SYT9: variants seen among roughly 807,000 people sequenced by gnomAD.
The protein encoded by SYT9 is synaptotagmin-9.
In SYT9, 22 loss-of-function variants were observed where a neutral mutation model predicts 48.4. The ratio of observed to expected loss-of-function variants is 0.45; its 90% CI spans 0.32 to 0.65. The LOEUF (loss-of-function observed/expected upper bound fraction) is 0.65. Ranked by LOEUF, SYT9 falls within the 30% of genes least tolerant of loss-of-function variation. SYT9 has a pLI of 0.03. For missense variants in SYT9, 577 were observed against 622.0 expected, an observed-to-expected ratio of 0.93 and a Z score of 0.77; for synonymous variants, 265 against 245.0, an observed-to-expected ratio of 1.08 and a Z score of -0.76.
chr11:7,352,216 C>T (rs548982151), intron 3 of SYT9, among the ~76,000 whole-genome samples: 4 of 152,258 alleles, frequency 2.6e-5, no homozygotes, highest in East Asian at 1.9e-4. Context: ...AGAAAGTAGG[C>T]GTTTTCCTTC....
intron 1 of SYT9, among the ~76,000 whole-genome samples, chr11:7,302,308 C>T (rs1037014846): frequency 6.6e-6 from 1 of 152,234 alleles, no homozygotes; most frequent in Admixed American, 6.5e-5. Context: ...TAGGAACTGG[C>T]TTGATAATGT....
chr11:7,358,056 G>T (rs1850056368), intron 3 of SYT9, among the ~76,000 whole-genome samples: 1 of 152,024 alleles, frequency 6.6e-6, no homozygotes, highest in East Asian at 1.9e-4. Context: ...CTCTAAAAAA[G>T]TATAAAAGTG....
chr11:7,265,528 C>T (rs776556476), intron 1 of SYT9, among the ~76,000 whole-genome samples: 13 of 152,166 alleles, frequency 8.5e-5, no homozygotes, highest in African/African-American at 2.9e-4. Context: ...ATGACATGCA[C>T]TTACGGCCTT....
In SYT9 at chr11:7,436,373, G is replaced by A. The variant is rs528358062; in HGVS notation, c.1467+15738G>A. The stretch of plus-strand genomic sequence containing the variant: ...CAGGGAAAGGAATTTGGTGGCCTTG[G>A]AGGGAGGGAAAGTGGGGACAGTATC... On this transcript the variant is annotated intron_variant, in intron 6 of 6. Transcript: ENST00000318881. 7.9e-5 allele frequency among the ~76,000 whole-genome samples: 12 copies of A among 152,338 alleles called. No individual in the cohort carries two copies. In the East Asian group the frequency reaches 2.1e-3, roughly 27 times the overall value.
upstream of SYT9, among the ~76,000 whole-genome samples, chr11:7,250,793 G>A (rs1046864453): frequency 1.3e-5 from 2 of 152,088 alleles, no homozygotes; most frequent in African/African-American, 4.8e-5. Context: ...TGTCCGTAGA[G>A]ACGGCACAAC....
chr11:7,419,545 A>G lies in SYT9; in HGVS notation c.1338-961A>G, dbSNP rs139117014. 4.9e-3 allele frequency among the ~76,000 whole-genome samples: 746 copies of G among 152,264 alleles called. 5 individuals carry two copies. The highest frequency in any genetic ancestry group is 0.016 in the African/African-American group (669 of 41,548). On this transcript the variant is annotated intron_variant, in intron 5 of 6. Transcript: ENST00000318881. ...AGTTATACCAGGGACTTTTTAAAAA[A>G]CTGCTAGAGAAAACAAAAATGTCTC...
At chr11:7,238,937 T>A (rs1012363442) in intron 1 of SYT9, 2 of 455,948 alleles carry the variant, frequency 4.4e-6, no homozygotes, top group Non-Finnish European at 8.8e-6. Context: ...TAGTGGGGAA[T>A]CTTGTGCCCA....
intron 1 of SYT9, among the ~76,000 whole-genome samples, chr11:7,297,120 G>C (rs1848828634): frequency 6.6e-6 from 1 of 152,062 alleles, no homozygotes; most frequent in Non-Finnish European, 1.5e-5. Context: ...GAGAGAGAGA[G>C]AGAGAGATCA....
At chr11:7,358,161 A>G (rs1850059155) in intron 3 of SYT9, among the ~76,000 whole-genome samples, 1 of 152,136 alleles carries the variant, frequency 6.6e-6, no homozygotes, top group African/African-American at 2.4e-5. Context: ...AACGACGAAT[A>G]CTGTTTTATA....
chr11:7,437,651 A>C (rs1191659899), intron 6 of SYT9: 1 of 152,044 alleles, frequency 6.6e-6, no homozygotes, highest in Non-Finnish European at 1.5e-5. Flanking sequence ...GAAAAGCCAG[A>C]ATTCTAAGAT....
At chr11:7,418,189 A>AG in intron 5 of SYT9, 61 bp downstream of exon 5, 2 of 1,555,848 alleles carry the variant, frequency 1.3e-6, no homozygotes, top group Non-Finnish European at 1.7e-6. Context: ...GGGAAGGCAG[A>AG]GGGGGAGCAG....
At chr11:7,297,188 CAT>C (rs1453890202) in intron 1 of SYT9, among the ~76,000 whole-genome samples, 4 of 151,968 alleles carry the variant, frequency 2.6e-5, no homozygotes, top group Non-Finnish European at 4.4e-5. Flanking sequence ...TCACCCAAGA[CAT>C]ATTAAATAAG....
intron 3 of SYT9, among the ~76,000 whole-genome samples, chr11:7,335,573 T>A (rs1386252997): frequency 6.6e-6 from 1 of 152,194 alleles, no homozygotes; most frequent in Non-Finnish European, 1.5e-5. Context: ...GGTATTTGGT[T>A]TTCTGTTCCT....
chr11:7,277,438 T>C (rs1387671500), intron 1 of SYT9, among the ~76,000 whole-genome samples: 1 of 152,234 alleles, frequency 6.6e-6, no homozygotes, highest in Non-Finnish European at 1.5e-5. Context: ...TGTTGTCCTA[T>C]TAAGTTCAAA....
At chr11:7,263,099 G>A (rs1218135485) in intron 1 of SYT9, among the ~76,000 whole-genome samples, 1 of 152,084 alleles carries the variant, frequency 6.6e-6, no homozygotes, top group African/African-American at 2.4e-5. Context: ...GGCACCAAAG[G>A]CACATAGATG....
chr11:7,419,028 C>T lies in SYT9; in HGVS notation c.1337+900C>T, dbSNP rs556606033. 1.4e-4 allele frequency among the ~76,000 whole-genome samples: 21 copies of T among 152,348 alleles called. No homozygotes were observed. The South Asian group carries it at 2.5e-3, about 18-fold the overall frequency. Reference sequence around the variant, plus strand: ...GAACACTCTTTCCAGCAGATGCCTGCGTGAAGCATGACAGTCTTCCAACCC... The same window carrying T: ...GAACACTCTTTCCAGCAGATGCCTGTGTGAAGCATGACAGTCTTCCAACCC... On this transcript the variant is annotated intron_variant, in intron 5 of 6. Coordinates refer to ENST00000318881, the MANE Select transcript of SYT9 (RefSeq NM_175733.4).
intron 3 of SYT9, among the ~76,000 whole-genome samples, chr11:7,392,497 T>TTAC (rs1475124969): frequency 6.6e-6 from 1 of 152,188 alleles, no homozygotes; most frequent in Non-Finnish European, 1.5e-5. Flanking sequence ...ATTCTTTTGG[T>TTAC]TACTGTAGCT....
chr11:7,276,013 C>T (rs1413881558), intron 1 of SYT9, among the ~76,000 whole-genome samples: 1 of 152,152 alleles, frequency 6.6e-6, no homozygotes, highest in Non-Finnish European at 1.5e-5. Context: ...CTGTCTTGTT[C>T]ACTATTATGT....
chr11:7,362,851 T>C (rs1377613195), intron 3 of SYT9, among the ~76,000 whole-genome samples: 1 of 151,978 alleles, frequency 6.6e-6, no homozygotes, highest in Non-Finnish European at 1.5e-5. Flanking sequence ...CCATGACTGA[T>C]ATATATGGAT....
Sources: gnomAD v4.1 joint callset for allele counts (sites outside exome capture counted in the v4.1 genomes callset) on GRCh38, gnomAD v4.1.1 for gene constraint, MANE v1.5 for transcripts, NCBI Gene and HGNC (gene_info 2026-07-23, HGNC 2026-07-21) for gene names.